The following KAZN variants were observed in gnomAD, a reference collection of about 807,000 sequenced individuals.
KAZN encodes kazrin.
Under a neutral mutation model 87.4 loss-of-function variants are expected in KAZN, and 40 were observed. The ratio of observed to expected loss-of-function variants is 0.46; its 90% CI spans 0.36 to 0.60. The LOEUF (loss-of-function observed/expected upper bound fraction) is 0.60, where lower values mean the gene tolerates loss of function less well. Among genes scored for constraint, KAZN ranks in the 20% least tolerant of loss-of-function variants. The probability of loss-of-function intolerance (pLI) is 0.00; values close to 1 mark genes in which losing one functional copy is unlikely to be tolerated. For synonymous variants in KAZN, 466 were observed against 458.3 expected (o/e 1.02, Z -0.22); for missense variants, 898 against 1,073.9 (o/e 0.84, Z 2.29).
At chr1:14,044,390 G>A (rs1026350053) in intron 1 of KAZN, among the ~76,000 whole-genome samples, 3 of 151,642 alleles carry the variant, frequency 2.0e-5, no homozygotes, top group Non-Finnish European at 2.9e-5. Context: ...TCACTGTTCC[G>A]CCCCCCACCA....
intron 1 of KAZN, among the ~76,000 whole-genome samples, chr1:14,045,559 A>G (rs1301492166): frequency 6.6e-6 from 1 of 152,232 alleles, no homozygotes; most frequent in African/African-American, 2.4e-5. Context: ...TATCAATGAT[A>G]ACTGACAGCA....
intron 1 of KAZN, among the ~76,000 whole-genome samples, chr1:14,079,017 A>G (rs1003734337): frequency 6.6e-6 from 1 of 152,164 alleles, no homozygotes; most frequent in African/African-American, 2.4e-5. Flanking sequence ...GCACTGGGTT[A>G]GTCCATTTTG....
chr1:14,577,578 C>T (rs1244941508), intron 2 of KAZN, among the ~76,000 whole-genome samples: 1 of 152,090 alleles, frequency 6.6e-6, no homozygotes, highest in Non-Finnish European at 1.5e-5. Context: ...GATGGGAGCC[C>T]TTCTGGAACC....
intron 1 of KAZN, among the ~76,000 whole-genome samples, chr1:14,943,942 C>T (rs1007185935): frequency 3.9e-5 from 6 of 152,146 alleles, no homozygotes; most frequent in African/African-American, 1.2e-4. Context: ...GGCGTGGTGG[C>T]GCATGCCTGT....
chr1:14,213,159 G>A (rs1219334080), intron 2 of KAZN, among the ~76,000 whole-genome samples: 2 of 152,110 alleles, frequency 1.3e-5, no homozygotes, highest in African/African-American at 4.8e-5. Flanking sequence ...TTCTTAAGTA[G>A]ATATGGAAAA....
At chr1:14,290,171 CGAG>C (rs1557618882) in intron 2 of KAZN, among the ~76,000 whole-genome samples, 1 of 152,126 alleles carries the variant, frequency 6.6e-6, no homozygotes, top group East Asian at 1.9e-4. Flanking sequence ...TTGCTCTTCT[CGAG>C]GAGTATCTTT....
At chr1:14,943,325 T>C (rs56129537) in intron 1 of KAZN, among the ~76,000 whole-genome samples, 4,453 of 151,856 alleles carry the variant, frequency 0.029, 228 homozygotes, top group African/African-American at 0.1. Flanking sequence ...GCCTCCAGAT[T>C]AGGATTGCAG....
intron 2 of KAZN, among the ~76,000 whole-genome samples, chr1:14,587,955 T>C (rs1027920635): frequency 3.9e-5 from 6 of 152,164 alleles, no homozygotes; most frequent in Non-Finnish European, 5.9e-5. Flanking sequence ...CATGTTGCGT[T>C]TGAGTGGAAG....
chr1:14,953,813 A>G (rs989358927), intron 1 of KAZN, among the ~76,000 whole-genome samples: 3 of 152,176 alleles, frequency 2.0e-5, no homozygotes, highest in Admixed American at 6.5e-5. Context: ...AGAAGTGGAG[A>G]AAGTGGAGAA....
At chr1:14,859,369 T>A (rs1201234722) in intron 1 of KAZN, among the ~76,000 whole-genome samples, 1 of 152,090 alleles carries the variant, frequency 6.6e-6, no homozygotes. Flanking sequence ...CAGAGGTGGG[T>A]GACTGGCCCA....
intron 2 of KAZN, among the ~76,000 whole-genome samples, chr1:14,320,738 G>A (rs1034572439): frequency 2.6e-5 from 4 of 152,106 alleles, no homozygotes; most frequent in Admixed American, 2.6e-4. Context: ...CGCAACAGTT[G>A]GCAGACTTTC....
chr1:14,591,418 A>AC (rs1676193127), intron 2 of KAZN, among the ~76,000 whole-genome samples: 1 of 147,294 alleles, frequency 6.8e-6, no homozygotes, highest in African/African-American at 2.5e-5. Context: ...GGAAAGAAGA[A>AC]ACACACACAC....
intron 2 of KAZN, among the ~76,000 whole-genome samples, chr1:14,425,382 C>G (rs1665663909): frequency 6.6e-6 from 1 of 152,172 alleles, no homozygotes; most frequent in Non-Finnish European, 1.5e-5. Flanking sequence ...AGCCAGCTTA[C>G]CAAGAAGAAG....
intron 4 of KAZN, among the ~76,000 whole-genome samples, chr1:15,050,384 T>C (rs79259313): frequency 0.066 from 9,975 of 151,654 alleles, 381 homozygotes; most frequent in African/African-American, 0.1. Flanking sequence ...TTCTCATGCC[T>C]GTTCCACTCA....
At chr1:14,458,191 T>C (rs1667673113) in intron 2 of KAZN, among the ~76,000 whole-genome samples, 1 of 152,240 alleles carries the variant, frequency 6.6e-6, no homozygotes, top group African/African-American at 2.4e-5. Context: ...AATGACATCT[T>C]ATTTTTTATA....
At chr1:14,331,147 C>CT (rs1656829849) in intron 2 of KAZN, among the ~76,000 whole-genome samples, 1 of 152,042 alleles carries the variant, frequency 6.6e-6, no homozygotes, top group Non-Finnish European at 1.5e-5. Flanking sequence ...CTGGTGGCCC[C>CT]TTTTACCTCT....
rs1231290885 is a variant in KAZN, at chr1:14,773,056, G to A, written c.226+173833G>A. Among the ~76,000 whole-genome samples the A allele has an allele frequency of 6.6e-6, 1 of 152,150 alleles. No homozygotes were observed. The highest frequency in any genetic ancestry group is 1.5e-5 in the Non-Finnish European group (1 of 68,044). On this transcript the variant is annotated intron_variant, in intron 1 of 14. Coordinates refer to ENST00000376030, the MANE Select transcript of KAZN (RefSeq NM_201628.3). The surrounding 1 kb of genome is among the most constrained non-coding windows in gnomAD (Gnocchi z 5.9). ...CTCTTCATGGGGGTCTCAGGAAATG[G>A]GCATTTGAGGGTCAGGTGGGTGACC... is the stretch of plus-strand genomic sequence containing the variant.
intron 1 of KAZN, among the ~76,000 whole-genome samples, chr1:14,025,909 A>G (rs1039887732): frequency 6.6e-6 from 1 of 152,186 alleles, no homozygotes; most frequent in Non-Finnish European, 1.5e-5. Context: ...TAGAGACTAT[A>G]GACTCTTCAA....
At chr1:14,934,604 T>G (rs1660237227) in intron 1 of KAZN, among the ~76,000 whole-genome samples, 1 of 152,218 alleles carries the variant, frequency 6.6e-6, no homozygotes, top group Non-Finnish European at 1.5e-5. Flanking sequence ...CGCTGTAGTG[T>G]AGGGAGACAA....
Sources: gnomAD v4.1 joint callset for allele counts (sites outside exome capture counted in the v4.1 genomes callset) on GRCh38, gnomAD v4.1.1 for gene constraint, Gnocchi (gnomAD v3.1) non-coding constraint, MANE v1.5 for transcripts, NCBI Gene and HGNC (gene_info 2026-07-23, HGNC 2026-07-21) for gene names.